STAT1: variants seen among roughly 807,000 people sequenced by gnomAD.
The protein encoded by STAT1 is signal transducer and activator of transcription 1-alpha/beta.
STAT1 carries 24 observed loss-of-function variants against 111.7 expected under a neutral mutation model. That is an observed-to-expected ratio of 0.21 (90% CI 0.16 to 0.30). The LOEUF is 0.30. Ranked by LOEUF, STAT1 falls within the 10% of genes least tolerant of loss-of-function variation. STAT1 has a pLI of 1.00. For synonymous variants in STAT1, 332 were observed against 326.5 expected (o/e 1.02, Z -0.18); for missense variants, 351 against 911.9 (o/e 0.38, Z 7.92).
At position 190,980,619 on chromosome 2, in the gene STAT1, C is replaced by A. The variant is rs1559007960; in HGVS notation, c.1632+1G>T. The A allele has an allele frequency of 6.2e-7, 1 of 1,614,202 alleles. No individual in the cohort carries two copies. The highest frequency in any genetic ancestry group is 8.5e-7 in the Non-Finnish European group (1 of 1,180,038). ...GAGCATAAAACCCAGACAGTCCTCA[C>A]CTTACAAAACCTCGTCCACGGAATG... On this transcript the variant is annotated splice_donor_variant, in intron 19 of 24. Transcript: ENST00000361099. LOFTEE classifies it high-confidence loss of function. This position sits in a 1 kb window ranked among gnomAD's most constrained non-coding sequence, Gnocchi z 6.1.
Position 190,981,835 on chromosome 2 carries a change from A to G in STAT1, c.1582+548T>C, listed in dbSNP as rs1396964363. ...ATGAAGGACTAATAAATGCACTGAC[A>G]TTAACCACTGAAAGGGAATTATCTA... On this transcript the variant is annotated intron_variant, in intron 18 of 24. Coordinates refer to ENST00000361099, the MANE Select transcript of STAT1 (RefSeq NM_007315.4). This position sits in a 1 kb window ranked among gnomAD's most constrained non-coding sequence, Gnocchi z 4.1. 6.6e-6 allele frequency among the ~76,000 whole-genome samples: 1 copy of G among 152,274 alleles called. No individual in the cohort carries two copies. The highest frequency in any genetic ancestry group is 1.5e-5 in the Non-Finnish European group (1 of 68,050).
chr2:190,979,822 T>C lies in STAT1; in HGVS notation c.1677A>G (p.Glu559=). The C allele has an allele frequency of 6.2e-7, 1 of 1,613,952 alleles. No individual in the cohort carries two copies. Among genetic ancestry groups the C allele is most frequent in the South Asian group, 1.1e-5 (1 of 91,078 alleles). Residue 559 remains glutamate, a synonymous_variant, in exon 20 of 25, where the codon GAA becomes GAG. Coordinates refer to ENST00000361099, the MANE Select transcript of STAT1 (RefSeq NM_007315.4). The surrounding 1 kb of genome is among the most constrained non-coding windows in gnomAD (Gnocchi z 5.8). Reference sequence around the variant, plus strand: ...GTTTTTTAATGAGTTCTAGGATGCTTTCAATCCAAAGCCAGAAGGGAAAAT... The same window carrying C: ...GTTTTTTAATGAGTTCTAGGATGCTCTCAATCCAAAGCCAGAAGGGAAAAT... ...DKNFPFWLWI[E]SILELIKKHL...
rs1354606597 is a variant in STAT1 at position 190,986,050 on chromosome 2, A to G, written c.1222-390T>C. On this transcript the variant is annotated intron_variant, in intron 14 of 24. Transcript: ENST00000361099. The surrounding 1 kb of genome is among the most constrained non-coding windows in gnomAD (Gnocchi z 5.0). ...GTGACTCCAGGTCCACCTGCCCTCA[A>G]GTGGACGTCAATCTCTGAGCTGTCA... is the stretch of plus-strand genomic sequence containing the variant. Among the ~76,000 whole-genome samples the G allele has an allele frequency of 6.6e-6, 1 of 152,086 alleles. No homozygotes were observed. The highest frequency in any genetic ancestry group is 1.5e-5 in the Non-Finnish European group (1 of 68,002).
chr2:191,003,451 G>C lies in STAT1; in HGVS notation c.373-2288C>G, dbSNP rs1156672326. Among the ~76,000 whole-genome samples, 3 of 152,142 alleles carry C rather than the reference G, an allele frequency of 2.0e-5. No homozygotes were observed. Among genetic ancestry groups the C allele is most frequent in the African/African-American group, 7.2e-5 (3 of 41,428 alleles). On this transcript the variant is annotated intron_variant, in intron 5 of 24. Coordinates refer to ENST00000361099, the MANE Select transcript of STAT1 (RefSeq NM_007315.4). This position sits in a 1 kb window ranked among gnomAD's most constrained non-coding sequence, Gnocchi z 4.0. ...TTGTAATCCCCATTGTTGGAGGTGG[G>C]GCCTGGTGGAAGGTGACTGGATCAC...
rs527397672 is a variant in STAT1 at position 190,977,115 on chromosome 2, G to C, written c.1874-90C>G. On this transcript the variant is annotated intron_variant, in intron 21 of 24. Transcript: ENST00000361099. The surrounding 1 kb of genome is among the most constrained non-coding windows in gnomAD (Gnocchi z 4.7). ...AAAACACTGCAGAGTTGATGGATTT[G>C]AGTGAACCTCATAAGAACTAATCAC... 8.4e-5 allele frequency: 107 copies of C among 1,280,036 alleles called. No individual in the cohort carries two copies. The African/African-American group carries it at 1.5e-3, about 18-fold the overall frequency. 79.3% of individuals were successfully genotyped at this position (1,280,036 alleles called of 1,614,324 possible).
At chr2:190,988,498 C>A (rs183932033) in intron 12 of STAT1, among the ~76,000 whole-genome samples, 1 of 152,340 alleles carries the variant, frequency 6.6e-6, no homozygotes, top group African/African-American at 2.4e-5. Flanking sequence ...CGTGCCTCGG[C>A]CTCCCAAGTA....
chr2:190,980,487 C>T lies in STAT1; in HGVS notation c.1632+133G>A, dbSNP rs536213357. 283 of 1,058,568 alleles carry T rather than the reference C, an allele frequency of 2.7e-4. 1 individual carries two copies. Among genetic ancestry groups the T allele is most frequent in the East Asian group, 1.2e-4 (5 of 41,672 alleles). 65.6% of individuals were successfully genotyped at this position (1,058,568 alleles called of 1,614,324 possible). On this transcript the variant is annotated intron_variant, in intron 19 of 24. Coordinates refer to ENST00000361099, the MANE Select transcript of STAT1 (RefSeq NM_007315.4). The surrounding 1 kb of genome is among the most constrained non-coding windows in gnomAD (Gnocchi z 6.1). Reference sequence around the variant, plus strand: ...ACTGAAGAAAAGTAAACAACTTGCCCGAGGGGCTCCTTGGCCAGAGAAGAA... The same window carrying T: ...ACTGAAGAAAAGTAAACAACTTGCCTGAGGGGCTCCTTGGCCAGAGAAGAA...
chr2:190,982,588 T>C lies in STAT1; in HGVS notation c.1447-70A>G, dbSNP rs1392720926. The C allele has an allele frequency of 5.1e-6, 8 of 1,556,710 alleles. No individual in the cohort carries two copies. Among genetic ancestry groups the C allele is most frequent in the South Asian group, 4.5e-5 (4 of 89,770 alleles). ...CAGTCACAAGTGTGGCACTAAAACA[T>C]ATGTCCATCCCAAAGTTCAATTCTA... On this transcript the variant is annotated intron_variant, in intron 17 of 24. Coordinates refer to ENST00000361099, the MANE Select transcript of STAT1 (RefSeq NM_007315.4). The surrounding 1 kb of genome is among the most constrained non-coding windows in gnomAD (Gnocchi z 7.3).
In STAT1 at chr2:190,978,419, G is replaced by T. The variant is rs1226715929; in HGVS notation, c.1873+437C>A. 10 of 237,048 alleles carry T rather than the reference G, an allele frequency of 4.2e-5. No individual in the cohort carries two copies. The East Asian group carries it at 9.3e-4, about 22-fold the overall frequency. 14.7% of individuals were successfully genotyped at this position (237,048 alleles called of 1,614,324 possible). ...GTAGAGGCTGCCACTCGTCCCAACAGGTCCTGCATCAACTCCCTGGCTGAT... is the reference window on the plus strand; with the variant it reads ...GTAGAGGCTGCCACTCGTCCCAACATGTCCTGCATCAACTCCCTGGCTGAT... On this transcript the variant is annotated intron_variant, in intron 21 of 24. Coordinates refer to ENST00000361099, the MANE Select transcript of STAT1 (RefSeq NM_007315.4). This position sits in a 1 kb window ranked among gnomAD's most constrained non-coding sequence, Gnocchi z 6.1.
intron 10 of STAT1, chr2:190,992,943 C>T (rs1343519457): frequency 4.0e-6 from 1 of 250,232 alleles, no homozygotes; most frequent in Non-Finnish European, 7.6e-6. Flanking sequence ...GCGCCCGCCA[C>T]CATGCCTGGC....
At position 190,982,281 on chromosome 2, in the gene STAT1, C is replaced by T. The variant is rs184715022; in HGVS notation, c.1582+102G>A. 4.3e-5 allele frequency: 61 copies of T among 1,427,044 alleles called. No homozygotes were observed. In the African/African-American group the frequency reaches 6.8e-4, roughly 16 times the overall value. The allele number at this position is 1,427,044 out of a possible 1,614,324, so 88.4% of individuals were successfully genotyped here. ...CTTGAAAAGCTGACAGATTTTAGTA[C>T]TTTTTTACCTTTAACAAAATAGCAG... is the stretch of plus-strand genomic sequence containing the variant. On this transcript the variant is annotated intron_variant, in intron 18 of 24. Transcript: ENST00000361099. The surrounding 1 kb of genome is among the most constrained non-coding windows in gnomAD (Gnocchi z 7.3).
rs1456134480 is a variant in STAT1, at chr2:190,976,360, A to G, written c.2060-473T>C. Among the ~76,000 whole-genome samples, 1 of 152,230 alleles carries G rather than the reference A, an allele frequency of 6.6e-6. No individual in the cohort carries two copies. The highest frequency in any genetic ancestry group is 1.5e-5 in the Non-Finnish European group (1 of 68,042). ...AACAGGTCTAATTCGAACCTTCTCA[A>G]ATGCAATTCATTGACAACTGAGAAG... On this transcript the variant is annotated intron_variant, in intron 22 of 24. Coordinates refer to ENST00000361099, the MANE Select transcript of STAT1 (RefSeq NM_007315.4). This position sits in a 1 kb window ranked among gnomAD's most constrained non-coding sequence, Gnocchi z 6.0.
At chr2:191,005,105 T>C (rs529253025) in intron 5 of STAT1, among the ~76,000 whole-genome samples, 10 of 152,220 alleles carry the variant, frequency 6.6e-5, no homozygotes, top group Non-Finnish European at 1.5e-4. Flanking sequence ...GGCATGTCTA[T>C]AGAATTTTGT....
In STAT1 at chr2:191,004,343, G is replaced by C. The variant is rs1694515985; in HGVS notation, c.373-3180C>G. On this transcript the variant is annotated intron_variant, in intron 5 of 24. Coordinates refer to ENST00000361099, the MANE Select transcript of STAT1 (RefSeq NM_007315.4). The surrounding 1 kb of genome is among the most constrained non-coding windows in gnomAD (Gnocchi z 5.0). The stretch of plus-strand genomic sequence containing the variant: ...ACTCTTACTTTCTCGTTTCACTACT[G>C]TACCTCTAGAGACCTTGTTTGGATG... Among the ~76,000 whole-genome samples the C allele has an allele frequency of 6.6e-6, 1 of 152,162 alleles. No homozygotes were observed. The highest frequency in any genetic ancestry group is 2.4e-5 in the African/African-American group (1 of 41,422).
At chr2:191,013,765 G>A in intron 1 of STAT1, 87 bp from the exon 2 acceptor site, 2 of 398,408 alleles carry the variant, frequency 5.0e-6, no homozygotes, top group Non-Finnish European at 8.9e-6. Flanking sequence ...GCCTTCTAGA[G>A]GAAAATTATA....
At chr2:190,992,632 G>T in intron 10 of STAT1, 1 of 1,156,514 alleles carries the variant, frequency 8.6e-7, no homozygotes, top group Non-Finnish European at 1.1e-6. Flanking sequence ...AAGGATGGAG[G>T]CAAATTTTAG....
intron 5 of STAT1, among the ~76,000 whole-genome samples, chr2:191,001,732 G>T (rs1694282598): frequency 1.3e-5 from 2 of 152,148 alleles, no homozygotes; most frequent in Admixed American, 6.5e-5. Context: ...ACCCAGACTT[G>T]CCTGGGAGTA....
chr2:191,001,050 T>C (rs1282152270), intron 6 of STAT1, 24 bp downstream of exon 6: 3 of 1,561,604 alleles, frequency 1.9e-6, no homozygotes, highest in South Asian at 1.1e-5. Context: ...TCAGAATAAA[T>C]GCATGTGTTT....
At chr2:191,008,708 T>G (rs546423522) in intron 4 of STAT1, among the ~76,000 whole-genome samples, 2 of 152,332 alleles carry the variant, frequency 1.3e-5, no homozygotes, top group East Asian at 1.9e-4. Flanking sequence ...TAGCATCACA[T>G]TTTTCTCAGG....
Sources: allele counts gnomAD v4.1 joint callset (sites outside exome capture counted in the v4.1 genomes callset), GRCh38; gene constraint gnomAD v4.1.1; non-coding constraint Gnocchi (gnomAD v3.1); transcripts MANE v1.5; gene names NCBI Gene and HGNC (gene_info 2026-07-23, HGNC 2026-07-21).